The following SI variants were observed in gnomAD, a reference collection of about 807,000 sequenced individuals.
The protein encoded by SI is sucrase-isomaltase, also known as sucrase-isomaltase, intestinal.
SI carries 235 observed loss-of-function variants against 253.3 expected under a neutral mutation model. That is an observed-to-expected ratio of 0.93 (90% CI 0.83 to 1.03). The LOEUF (loss-of-function observed/expected upper bound fraction) is 1.03, where lower values mean the gene tolerates loss of function less well. Among genes scored for constraint, SI ranks in the 50% least tolerant of loss-of-function variants. The probability of loss-of-function intolerance (pLI) is 0.00; values close to 1 mark genes in which losing one functional copy is unlikely to be tolerated. For synonymous variants in SI, 819 were observed against 712.0 expected (o/e 1.15, Z -2.39); for missense variants, 2,442 against 2,211.1 (o/e 1.10, Z -2.09).
chr3:165,073,877 A>G lies in SI; in HGVS notation c.255+654T>C, dbSNP rs115516151. On this transcript the variant is annotated intron_variant, in intron 3 of 47. Transcript: ENST00000264382. The stretch of plus-strand genomic sequence containing the variant: ...GGTTATATGCAAATACTGCCATTTT[A>G]TTTGAGAGATTTGAACATCTGCAGA... 2.3e-3 allele frequency among the ~76,000 whole-genome samples: 347 copies of G among 152,210 alleles called. 1 individual carries two copies. Among genetic ancestry groups the G allele is most frequent in the African/African-American group, 7.5e-3 (310 of 41,566 alleles).
chr3:165,015,074 T>G, intron 33 of SI, 49 bp downstream of exon 33: 1 of 1,399,078 alleles, frequency 7.1e-7, no homozygotes. Context: ...AAACTTTCAT[T>G]GAAATATAAT....
At chr3:165,090,149 T>TAA in the SI span, among the ~76,000 whole-genome samples, 6 of 144,088 alleles carry the variant, frequency 4.2e-5, no homozygotes, top group South Asian at 4.6e-4. Flanking sequence ...TGCATTTATT[T>TAA]AAAAAAAAAA....
chr3:165,053,738 T>G (rs1365095134), intron 13 of SI, among the ~76,000 whole-genome samples: 1 of 152,142 alleles, frequency 6.6e-6, no homozygotes, highest in Non-Finnish European at 1.5e-5. Context: ...ACAATCAGGC[T>G]CTGTCTCACT....
chr3:165,048,584 TAG>T (rs566703011), intron 15 of SI, among the ~76,000 whole-genome samples: 19,373 of 124,804 alleles, frequency 0.16, 1,375 homozygotes, highest in African/African-American at 0.2. Context: ...TATATATATA[TAG>T]AGAGAGAGAG....
In SI at chr3:164,996,250, C is replaced by T. The variant is rs55811828; in HGVS notation, c.4692+285G>A. Among the ~76,000 whole-genome samples, 678 of 151,792 alleles carry T rather than the reference C, an allele frequency of 4.5e-3. 6 individuals are homozygous for T. The highest frequency in any genetic ancestry group is 0.015 in the African/African-American group (629 of 41,458). On this transcript the variant is annotated intron_variant, in intron 40 of 47. Transcript: ENST00000264382. ...CTCTGTCTTTAACCTGTCCATCATG[C>T]GCATTTTGCTAATTTATCATTTTTC...
chr3:164,999,957 A>G (rs1418600982), intron 37 of SI, among the ~76,000 whole-genome samples: 2 of 151,584 alleles, frequency 1.3e-5, no homozygotes, highest in Non-Finnish European at 3.0e-5. Flanking sequence ...TTCATAACAA[A>G]TATAAAATGG....
Position 165,030,721 on chromosome 3 carries a change from T to C in SI, c.2883A>G (p.Val961=). 6.2e-7 allele frequency: 1 copy of C among 1,608,542 alleles called. No homozygotes were observed. The highest frequency in any genetic ancestry group is 8.5e-7 in the Non-Finnish European group (1 of 1,176,422). Residue 961 remains valine (V), a synonymous_variant, in exon 25 of 48, where the codon GTA becomes GTG. Transcript: ENST00000264382. The stretch of plus-strand genomic sequence containing the variant: ...TTAAAATTATTATTACCGTTCTCCA[T>C]ACACAGCCACGTTGTGTGCACTTTT... ...TEQKCTQRGC[V]WRTGSSLSKA...
chr3:164,988,022 T>A lies in SI; in HGVS notation c.5109-796A>T, dbSNP rs573449701. 4.6e-5 allele frequency among the ~76,000 whole-genome samples: 7 copies of A among 152,286 alleles called. No homozygotes were observed. In the East Asian group the frequency reaches 1.4e-3, roughly 29 times the overall value. On this transcript the variant is annotated intron_variant, in intron 44 of 47. Transcript: ENST00000264382. ...CTCCAAGTTCTAAGTTCTATCTCTGTAATAGAGAATACCTTTCAAGCATGT... is the reference window on the plus strand; with the variant it reads ...CTCCAAGTTCTAAGTTCTATCTCTGAAATAGAGAATACCTTTCAAGCATGT...
chr3:165,054,546 G>C (rs1026744089), intron 13 of SI, among the ~76,000 whole-genome samples: 6 of 152,004 alleles, frequency 3.9e-5, no homozygotes, highest in Admixed American at 2.0e-4. Context: ...GTAGAGACGG[G>C]GTTTCACCAT....
At chr3:165,069,267 G>A in intron 3 of SI, 72 bp from the exon 4 acceptor site, 3 of 1,019,344 alleles carry the variant, frequency 2.9e-6, no homozygotes, top group Non-Finnish European at 3.1e-6. Flanking sequence ...GTTTTTCCAA[G>A]GAATGAATAT....
chr3:165,006,809 T>C lies in SI; in HGVS notation c.4406+7A>G. 1.2e-6 allele frequency: 2 copies of C among 1,610,518 alleles called. No individual in the cohort carries two copies. Among genetic ancestry groups the C allele is most frequent in the Admixed American group, 1.7e-5 (1 of 59,994 alleles). ...AGTCAGAGAGGATAATTCAGAACATTGCTTACTCATGAGTAGGTTTCATCT... is the reference window on the plus strand; with the variant it reads ...AGTCAGAGAGGATAATTCAGAACATCGCTTACTCATGAGTAGGTTTCATCT... On this transcript the variant is annotated splice_region_variant and intron_variant, in intron 37 of 47. Transcript: ENST00000264382.
intron 12 of SI, among the ~76,000 whole-genome samples, chr3:165,057,947 T>G (rs2108246277): frequency 6.6e-6 from 1 of 152,090 alleles, no homozygotes; most frequent in African/African-American, 2.4e-5. Context: ...CCTGATAGAT[T>G]TTTACAGAAT....
Position 165,017,890 on chromosome 3 carries a change from A to G in SI, c.3521-17T>C, listed in dbSNP as rs1285573628. ...ATGTAACATCTGGAAATCCAAAATA[A>G]CATCCCATTTTCATCTATGTATACT... is the stretch of plus-strand genomic sequence containing the variant. On this transcript the variant is annotated splice_polypyrimidine_tract_variant and intron_variant, in intron 29 of 47. Coordinates refer to ENST00000264382, the MANE Select transcript of SI (RefSeq NM_001041.4). 1.3e-6 allele frequency: 2 copies of G among 1,597,272 alleles called. No homozygotes were observed. Among genetic ancestry groups the G allele is most frequent in the Non-Finnish European group, 8.6e-7 (1 of 1,165,224 alleles).
Position 165,049,840 on chromosome 3 carries a change from T to C in SI, c.1548A>G (p.Ser516=). 1 of 1,609,188 alleles carries C rather than the reference T, an allele frequency of 6.2e-7. No homozygotes were observed. The highest frequency in any genetic ancestry group is 8.5e-7 in the Non-Finnish European group (1 of 1,176,234). Residue 516 remains serine (S), a synonymous_variant, in exon 14 of 48, where the codon TCA becomes TCG. Coordinates refer to ENST00000264382, the MANE Select transcript of SI (RefSeq NM_001041.4). ...ATTTGTTTACATTACATCCTTTTGT[T>C]GAACCTTGAATAAAGCTGGAAACTT... ...MNEVSSFIQG[S]TKGCNVNKLN...
At chr3:164,992,049 C>A (rs57366872) in intron 43 of SI, 128 bp downstream of exon 43, 4 of 810,652 alleles carry the variant, frequency 4.9e-6, no homozygotes, top group Non-Finnish European at 6.5e-6. Flanking sequence ...TATAATTTAC[C>A]GGAAATATGT....
At chr3:165,046,234 C>G in intron 16 of SI, among the ~76,000 whole-genome samples, 1 of 152,010 alleles carries the variant, frequency 6.6e-6, no homozygotes, top group Middle Eastern at 3.2e-3. Flanking sequence ...AAACAAATCA[C>G]TATAGTTTTA....
chr3:164,982,499 T>G (rs2108108754), intron 46 of SI, 89 bp from the exon 47 acceptor site: 1 of 891,332 alleles, frequency 1.1e-6, no homozygotes, highest in Non-Finnish European at 1.8e-6. Context: ...CAAAAATGTA[T>G]TTCGTAGTAT....
rs1320644917 is a variant in SI at position 164,994,337 on chromosome 3, G to A, written c.4761C>T (p.Tyr1587=). The change falls in exon 41 of 48, where the codon TAC becomes TAT. Residue 1587 remains tyrosine, a synonymous_variant. Transcript: ENST00000264382. ...GTGTGTAAAAATAGGGCAATAAGGTGTATCTAATATTTAGAATATTCCTTG... is the reference window on the plus strand; with the variant it reads ...GTGTGTAAAAATAGGGCAATAAGGTATATCTAATATTTAGAATATTCCTTG... ...EMSRNILNIR[Y]TLLPYFYTQM... 1 of 1,610,356 alleles carries A rather than the reference G, an allele frequency of 6.2e-7. No individual in the cohort carries two copies. Among genetic ancestry groups the A allele is most frequent in the Non-Finnish European group, 8.5e-7 (1 of 1,177,372 alleles).
At chr3:165,062,803 T>A (rs1714050748) in intron 8 of SI, among the ~76,000 whole-genome samples, 1 of 152,028 alleles carries the variant, frequency 6.6e-6, no homozygotes, top group Admixed American at 6.6e-5. Context: ...TAAAACTGCA[T>A]TTTTAATTAG....
Sources: allele counts gnomAD v4.1 joint callset (sites outside exome capture counted in the v4.1 genomes callset), GRCh38; gene constraint gnomAD v4.1.1; transcripts MANE v1.5; gene names NCBI Gene and HGNC (gene_info 2026-07-23, HGNC 2026-07-21).